Variants in TMEFF2 observed in about 807,000 individuals in gnomAD.
The protein encoded by TMEFF2 is transmembrane protein with EGF like and two follistatin like domains 2, also known as tomoregulin-2.
A neutral mutation model predicts 53.8 loss-of-function variants in TMEFF2; 28 were observed. That is an observed-to-expected ratio of 0.52 (90% CI 0.39 to 0.71). The LOEUF (loss-of-function observed/expected upper bound fraction) is 0.71. Among genes scored for constraint, TMEFF2 ranks in the 30% least tolerant of loss-of-function variants. The pLI is 0.00. For synonymous variants in TMEFF2, 162 were observed against 166.3 expected, an observed-to-expected ratio of 0.97 and a Z score of 0.20; for missense variants, 353 against 455.2, an observed-to-expected ratio of 0.78 and a Z score of 2.04.
intron 5 of TMEFF2, among the ~76,000 whole-genome samples, chr2:192,015,308 C>CTTTTTTTTTTTT (rs34696715): frequency 6.6e-5 from 5 of 76,276 alleles, no homozygotes; most frequent in Admixed American, 2.0e-4. Flanking sequence ...ATCACTGAAG[C>CTTTTTTTTTTTT]TTTTTTTTTT....
chr2:192,116,162 A>G (rs1689399111), intron 4 of TMEFF2, among the ~76,000 whole-genome samples: 1 of 151,564 alleles, frequency 6.6e-6, no homozygotes, highest in African/African-American at 2.4e-5. Flanking sequence ...AGACTTAAAA[A>G]GAAGAAAATC....
intron 4 of TMEFF2, among the ~76,000 whole-genome samples, chr2:192,171,535 C>T (rs1386218585): frequency 1.3e-5 from 2 of 151,912 alleles, no homozygotes; most frequent in South Asian, 2.1e-4. Flanking sequence ...CTGTTTCTGG[C>T]CTTGAGGGTC....
chr2:192,149,202 G>T (rs1690326253), intron 4 of TMEFF2, among the ~76,000 whole-genome samples: 1 of 152,052 alleles, frequency 6.6e-6, no homozygotes, highest in East Asian at 1.9e-4. Context: ...GAAGGGAGCT[G>T]CGTCCCTCAG....
At chr2:192,005,564 A>G (rs770045965) in intron 5 of TMEFF2, among the ~76,000 whole-genome samples, 11 of 152,142 alleles carry the variant, frequency 7.2e-5, no homozygotes, top group Non-Finnish European at 1.3e-4. Context: ...TGACCATACA[A>G]TATTCCTAGT....
intron 7 of TMEFF2, among the ~76,000 whole-genome samples, chr2:191,960,647 A>T (rs1692245053): frequency 6.6e-6 from 1 of 152,332 alleles, no homozygotes; most frequent in African/African-American, 2.4e-5. Flanking sequence ...TTGCAAATGT[A>T]TACAAATTCT....
chr2:192,127,770 A>G (rs987818274), intron 4 of TMEFF2, among the ~76,000 whole-genome samples: 4 of 152,206 alleles, frequency 2.6e-5, no homozygotes, highest in Admixed American at 6.5e-5. Context: ...ATTTTAAGTA[A>G]TAATATTACT....
At chr2:191,977,571 G>T (rs1685762895) in intron 7 of TMEFF2, among the ~76,000 whole-genome samples, 2 of 152,180 alleles carry the variant, frequency 1.3e-5, no homozygotes, top group African/African-American at 2.4e-5. Flanking sequence ...AAGCCATGGT[G>T]TGTCTGTTGC....
chr2:191,990,372 T>C (rs1339257484), intron 7 of TMEFF2, among the ~76,000 whole-genome samples: 1 of 151,546 alleles, frequency 6.6e-6, no homozygotes, highest in African/African-American at 2.4e-5. Context: ...ATTTGGGGCA[T>C]GTCAGACTCT....
chr2:192,077,115 G>C lies in TMEFF2; in HGVS notation c.440-19340C>G, dbSNP rs115523413. The stretch of plus-strand genomic sequence containing the variant: ...TAGATATATGCAAGTAAGGCAGCTA[G>C]ATGGCAGATCAAAGGCATTTCCTGA... On this transcript the variant is annotated intron_variant, in intron 4 of 9. Coordinates refer to ENST00000272771, the MANE Select transcript of TMEFF2 (RefSeq NM_016192.4). Among the ~76,000 whole-genome samples the C allele has an allele frequency of 1.2e-3, 186 of 152,296 alleles. 1 individual carries two copies. The highest frequency in any genetic ancestry group is 4.3e-3 in the African/African-American group (178 of 41,576).
At position 192,194,813 on chromosome 2, in the gene TMEFF2, A is replaced by G; in HGVS notation, c.-289T>C. On this transcript the variant is annotated 5_prime_UTR_variant, in exon 1 of 10. Transcript: ENST00000272771. The surrounding 1 kb of genome is among the most constrained non-coding windows in gnomAD (Gnocchi z 4.2). ...GGAGGGAGCTCTGGGAAGCCGGAGGACAGGAGGAGACGGGAGTCCAGGGGC... is the reference window on the plus strand; with the variant it reads ...GGAGGGAGCTCTGGGAAGCCGGAGGGCAGGAGGAGACGGGAGTCCAGGGGC... 2.2e-6 allele frequency: 1 copy of G among 445,488 alleles called. No individual in the cohort carries two copies. The highest frequency in any genetic ancestry group is 4.4e-5 in the East Asian group (1 of 22,496). 27.6% of individuals were successfully genotyped at this position (445,488 alleles called of 1,614,324 possible). A position where few individuals can be genotyped will look rare whatever the true frequency, so the allele number is the denominator to read the frequency against.
intron 7 of TMEFF2, among the ~76,000 whole-genome samples, chr2:191,962,541 C>T (rs1692303577): frequency 6.6e-6 from 1 of 152,044 alleles, no homozygotes; most frequent in South Asian, 2.1e-4. Context: ...TGAAATGCAA[C>T]AATAGTGGAT....
rs2356769 is a variant in TMEFF2, at chr2:192,128,049, C to T, written c.439+51619G>A. ...AATTAATATTTCCAATCTTGATTTG[C>T]CATTGCAACTTTAGATTTTAGGGCA... On this transcript the variant is annotated intron_variant, in intron 4 of 9. Coordinates refer to ENST00000272771, the MANE Select transcript of TMEFF2 (RefSeq NM_016192.4). 1.2e-3 allele frequency among the ~76,000 whole-genome samples: 180 copies of T among 152,256 alleles called. 7 individuals carry two copies. The South Asian group carries it at 0.037, about 31-fold the overall frequency.
chr2:192,060,059 T>A (rs115963542), intron 4 of TMEFF2, among the ~76,000 whole-genome samples: 1 of 143,990 alleles, frequency 6.9e-6, no homozygotes, highest in South Asian at 2.3e-4. Context: ...TTTTTTTTAA[T>A]AAAAATGCCC....
chr2:192,143,123 G>C (rs1223981451), intron 4 of TMEFF2, among the ~76,000 whole-genome samples: 1 of 152,126 alleles, frequency 6.6e-6, no homozygotes, highest in Non-Finnish European at 1.5e-5. Flanking sequence ...TGCTCATTTA[G>C]ACAAAGCATG....
At chr2:192,082,524 T>C (rs575794027) in intron 4 of TMEFF2, among the ~76,000 whole-genome samples, 83 of 152,248 alleles carry the variant, frequency 5.5e-4, no homozygotes, top group Non-Finnish European at 9.6e-4. Flanking sequence ...TGTCACTTTT[T>C]TTCATTTTTA....
intron 5 of TMEFF2, among the ~76,000 whole-genome samples, chr2:192,026,877 G>A (rs973244755): frequency 6.6e-6 from 1 of 152,180 alleles, no homozygotes; most frequent in Non-Finnish European, 1.5e-5. Context: ...CAAGCACTGG[G>A]AAGCATTATT....
At chr2:192,179,557 A>G in intron 4 of TMEFF2, 111 bp downstream of exon 4, 3 of 1,251,078 alleles carry the variant, frequency 2.4e-6, no homozygotes, top group Non-Finnish European at 3.3e-6. Context: ...CCTTTCCTAA[A>G]ATGCAAAATA....
intron 2 of TMEFF2, among the ~76,000 whole-genome samples, chr2:192,190,132 A>G (rs1235169017): frequency 6.6e-6 from 1 of 152,174 alleles, no homozygotes; most frequent in African/African-American, 2.4e-5. Flanking sequence ...CACCTATAAA[A>G]TGAAAACAAT....
intron 4 of TMEFF2, among the ~76,000 whole-genome samples, chr2:192,147,534 A>T (rs932919020): frequency 6.6e-6 from 1 of 151,634 alleles, no homozygotes; most frequent in Admixed American, 6.6e-5. Context: ...ACTGTGTCCA[A>T]GTGTTCTCAT....
Sources: allele counts gnomAD v4.1 joint callset (sites outside exome capture counted in the v4.1 genomes callset), GRCh38; gene constraint gnomAD v4.1.1; non-coding constraint Gnocchi (gnomAD v3.1); transcripts MANE v1.5; gene names NCBI Gene and HGNC (gene_info 2026-07-23, HGNC 2026-07-21).